Variants in JMY observed in about 807,000 individuals in gnomAD.
The protein encoded by JMY is junction mediating and regulatory protein, p53 cofactor, also known as junction-mediating and -regulatory protein.
Under a neutral mutation model 103.3 loss-of-function variants are expected in JMY, and 46 were observed. The ratio of observed to expected loss-of-function variants is 0.45; its 90% CI spans 0.35 to 0.57. The LOEUF (loss-of-function observed/expected upper bound fraction) is 0.57, where lower values mean the gene tolerates loss of function less well. Ranked by LOEUF, JMY falls within the 20% of genes least tolerant of loss-of-function variation. JMY has a pLI of 0.00. For missense variants in JMY, 1,238 were observed against 1,255.2 expected (o/e 0.99, Z 0.21); for synonymous variants, 526 against 489.3 (o/e 1.07, Z -0.99).
chr5:79,300,785 A>T lies in JMY; in HGVS notation c.1803A>T (p.Lys601Asn). 1 of 1,612,254 alleles carries T rather than the reference A, an allele frequency of 6.2e-7. No individual in the cohort carries two copies. Among genetic ancestry groups the T allele is most frequent in the Non-Finnish European group, 8.5e-7 (1 of 1,179,418 alleles). Reference sequence around the variant, plus strand: ...ACTTACAGAGAGAAGAGCTGCAGAAACTTCAGCAGAAAGCACGCCAGCTGG... The same window carrying T: ...ACTTACAGAGAGAAGAGCTGCAGAATCTTCAGCAGAAAGCACGCCAGCTGG... ...SAYLQREELQ[K>N]LQQKARQLEA... Residue 601 changes from lysine (K) to asparagine (N), a missense_variant, in exon 6 of 11, where the codon AAA becomes AAT. Transcript: ENST00000396137.
chr5:79,270,388 TAA>T (rs1247085909), intron 1 of JMY, among the ~76,000 whole-genome samples: 1 of 114,452 alleles, frequency 8.7e-6, no homozygotes. Context: ...AATATTTACA[TAA>T]AATATATATT....
chr5:79,293,374 ACC>A (rs1746477328), intron 4 of JMY, among the ~76,000 whole-genome samples: 1 of 146,424 alleles, frequency 6.8e-6, no homozygotes, highest in Admixed American at 7.0e-5. Flanking sequence ...TTTAATTTAT[ACC>A]CCCTTTAACT....
intron 1 of JMY, among the ~76,000 whole-genome samples, chr5:79,268,569 C>T (rs545425195): frequency 3.3e-5 from 5 of 152,222 alleles, no homozygotes; most frequent in East Asian, 1.9e-4. Context: ...CTCACTGCAA[C>T]CTCCACCTCC....
At chr5:79,302,938 T>C (rs757962693) in intron 6 of JMY, among the ~76,000 whole-genome samples, 1 of 152,030 alleles carries the variant, frequency 6.6e-6, no homozygotes, top group Non-Finnish European at 1.5e-5. Flanking sequence ...GCAGAAAAAG[T>C]TAGTAGGATT....
At chr5:79,309,387 G>T (rs1746977625) in intron 7 of JMY, among the ~76,000 whole-genome samples, 1 of 152,042 alleles carries the variant, frequency 6.6e-6, no homozygotes, top group Admixed American at 6.6e-5. Flanking sequence ...GAGAATATTA[G>T]TTCACTTTAT....
At chr5:79,253,095 T>C (rs1745136701) in intron 1 of JMY, among the ~76,000 whole-genome samples, 1 of 152,176 alleles carries the variant, frequency 6.6e-6, no homozygotes, top group East Asian at 1.9e-4. Context: ...TGTTTTTTGG[T>C]TTGAGGTTAC....
chr5:79,259,841 G>A (rs941511321), intron 1 of JMY, among the ~76,000 whole-genome samples: 8 of 152,224 alleles, frequency 5.3e-5, no homozygotes, highest in African/African-American at 1.2e-4. Context: ...CCCAGGCCCC[G>A]GAGAGTGCAG....
At chr5:79,304,287 C>CTG (rs1444163338) in intron 6 of JMY, among the ~76,000 whole-genome samples, 1 of 152,130 alleles carries the variant, frequency 6.6e-6, no homozygotes. Context: ...AGAAAAGCTA[C>CTG]TGAGAAGATC....
At chr5:79,252,528 G>T (rs1363511961) in intron 1 of JMY, among the ~76,000 whole-genome samples, 2 of 152,052 alleles carry the variant, frequency 1.3e-5, no homozygotes, top group Non-Finnish European at 2.9e-5. Context: ...TTGATTTTCT[G>T]TCTGGAAGAT....
intron 1 of JMY, among the ~76,000 whole-genome samples, chr5:79,271,831 G>T (rs1288086487): frequency 6.6e-6 from 1 of 152,098 alleles, no homozygotes; most frequent in African/African-American, 2.4e-5. Flanking sequence ...TTCTGGGCTG[G>T]GCGCAGTGGC....
At chr5:79,270,363 A>G (rs927153613) in intron 1 of JMY, among the ~76,000 whole-genome samples, 2 of 137,660 alleles carry the variant, frequency 1.5e-5, no homozygotes, top group East Asian at 2.0e-4. Context: ...AATATTTAAA[A>G]TGTATATTTA....
chr5:79,259,833 C>G (rs961209799), intron 1 of JMY, among the ~76,000 whole-genome samples: 20 of 152,244 alleles, frequency 1.3e-4, no homozygotes, highest in Non-Finnish European at 2.1e-4. Flanking sequence ...GGGGCCTTCC[C>G]AGGCCCCGGA....
intron 7 of JMY, among the ~76,000 whole-genome samples, chr5:79,308,842 C>A (rs1746963534): frequency 6.6e-6 from 1 of 151,816 alleles, no homozygotes; most frequent in African/African-American, 2.4e-5. Context: ...CTATTTAATT[C>A]TTTGATTCTT....
At position 79,236,609 on chromosome 5, in the gene JMY, C is replaced by A; in HGVS notation, c.-42C>A. 7.5e-7 allele frequency: 1 copy of A among 1,338,992 alleles called. No individual in the cohort carries two copies. The highest frequency in any genetic ancestry group is 9.7e-7 in the Non-Finnish European group (1 of 1,033,222). 82.9% of individuals were successfully genotyped at this position (1,338,992 alleles called of 1,614,324 possible). A position where few individuals can be genotyped will look rare whatever the true frequency, so the allele number is the denominator to read the frequency against. On this transcript the variant is annotated 5_prime_UTR_variant, in exon 1 of 11. Transcript: ENST00000396137. ...GCCAGCGGGGAGTCCTCGGGCGGGC[C>A]GGGCCGGCGGCCCTTCCCCGCGGCG...
In JMY at chr5:79,314,812, A is replaced by C. The variant is rs766473089; in HGVS notation, c.2620A>C (p.Lys874Gln). Residue 874 changes from lysine (K) to glutamine (Q), a missense_variant, in exon 9 of 11, where the codon AAG becomes CAG. Lys to Gln is a moderately conservative substitution (Grantham distance 53). Transcript: ENST00000396137. ...CAGCCAGCTGGTCAGTGCACGGAAGAAGCTCAGAAAGACTGCTGAAGGTTT... is the reference window on the plus strand; with the variant it reads ...CAGCCAGCTGGTCAGTGCACGGAAGCAGCTCAGAAAGACTGCTGAAGGTTT... The part of the protein sequence containing the change: ...DSSQLVSARK[K>Q]LRKTAEGLQR... 1.9e-5 allele frequency: 31 copies of C among 1,593,224 alleles called. No homozygotes were observed. In the South Asian group the frequency reaches 2.6e-4, roughly 14 times the overall value.
At chr5:79,275,631 C>G (rs1282468593) in intron 1 of JMY, among the ~76,000 whole-genome samples, 2 of 152,114 alleles carry the variant, frequency 1.3e-5, no homozygotes, top group Admixed American at 1.3e-4. Context: ...TGCCTACAGG[C>G]AGTTGTTTTG....
chr5:79,290,055 T>G, intron 2 of JMY, 66 bp from the exon 3 acceptor site: 1 of 1,174,682 alleles, frequency 8.5e-7, no homozygotes, highest in South Asian at 2.1e-5. Flanking sequence ...ATATAAACTT[T>G]AAATGTTTGA....
chr5:79,240,582 T>TA (rs1407405994), intron 1 of JMY, among the ~76,000 whole-genome samples: 1 of 152,218 alleles, frequency 6.6e-6, no homozygotes, highest in African/African-American at 2.4e-5. Context: ...GTGCTAGGAT[T>TA]ACAGGCGTGA....
At chr5:79,295,831 G>A (rs1275831037) in intron 4 of JMY, among the ~76,000 whole-genome samples, 2 of 152,106 alleles carry the variant, frequency 1.3e-5, no homozygotes, top group Admixed American at 1.3e-4. Context: ...TATTCCATAG[G>A]TGCACACTAT....
Sources: allele counts gnomAD v4.1 joint callset (sites outside exome capture counted in the v4.1 genomes callset), GRCh38; gene constraint gnomAD v4.1.1; transcripts MANE v1.5; gene names NCBI Gene and HGNC (gene_info 2026-07-23, HGNC 2026-07-21).